The following CRISPLD1 variants were observed in gnomAD, a reference collection of about 807,000 sequenced individuals.
The protein encoded by CRISPLD1 is cysteine-rich secretory protein LCCL domain-containing 1.
CRISPLD1 carries 60 observed loss-of-function variants against 77.5 expected under a neutral mutation model. The ratio of observed to expected loss-of-function variants is 0.77; its 90% confidence interval spans 0.63 to 0.96. The LOEUF is 0.96. CRISPLD1 is among the 40% of genes least tolerant of loss of function. The pLI is 0.00. For missense variants in CRISPLD1, 623 were observed against 615.8 expected (o/e 1.01, Z -0.12); for synonymous variants, 195 against 200.1 (o/e 0.97, Z 0.22).
intron 2 of CRISPLD1, among the ~76,000 whole-genome samples, chr8:75,005,424 G>A (rs1812812166): frequency 6.6e-6 from 1 of 152,128 alleles, no homozygotes; most frequent in South Asian, 2.1e-4. Context: ...AAATGGGAAA[G>A]AGAACTCTTC....
chr8:75,030,680 ATG>A (rs34737814), intron 14 of CRISPLD1, among the ~76,000 whole-genome samples: 14,878 of 146,172 alleles, frequency 0.1, 888 homozygotes, highest in African/African-American at 0.18. Context: ...CCGGAGATAT[ATG>A]TGTGTGTGTG....
chr8:75,009,520 T>G (rs1381718952), intron 2 of CRISPLD1, among the ~76,000 whole-genome samples: 1 of 151,966 alleles, frequency 6.6e-6, no homozygotes, highest in Admixed American at 6.6e-5. Flanking sequence ...ATTTTTAGAC[T>G]TCCAGGAACT....
chr8:74,991,419 A>C (rs1428560087), intron 2 of CRISPLD1, among the ~76,000 whole-genome samples: 1 of 152,168 alleles, frequency 6.6e-6, no homozygotes, highest in Non-Finnish European at 1.5e-5. Context: ...CTGGCTGCTC[A>C]CAATTTAAAG....
intron 4 of CRISPLD1, 22 bp from the exon 5 acceptor site, chr8:75,013,965 G>A (rs776801405): frequency 2.0e-6 from 3 of 1,525,688 alleles, no homozygotes; most frequent in South Asian, 2.3e-5. Context: ...CTTTTTCTGA[G>A]CCTTTCATTT....
chr8:74,993,280 G>C (rs1324539399), intron 2 of CRISPLD1, among the ~76,000 whole-genome samples: 1 of 152,056 alleles, frequency 6.6e-6, no homozygotes, highest in Non-Finnish European at 1.5e-5. Flanking sequence ...TTTTCTCTCT[G>C]TATACTGTTG....
intron 2 of CRISPLD1, among the ~76,000 whole-genome samples, chr8:74,998,912 CAA>C (rs1383232071): frequency 6.6e-6 from 1 of 151,728 alleles, no homozygotes. Flanking sequence ...ACGAGATAAT[CAA>C]AGACATGTTA....
Position 75,021,575 on chromosome 8 carries a change from T to C in CRISPLD1, c.1244+1496T>C, listed in dbSNP as rs1048409893. On this transcript the variant is annotated intron_variant, in intron 12 of 14. Transcript: ENST00000262207. ...TTACCATTTGACCACCAATGAATTA[T>C]ATGCTGAATATTTTTGTGATAAAAA... Among the ~76,000 whole-genome samples the C allele has an allele frequency of 8.5e-5, 13 of 152,330 alleles. No homozygotes were observed. The East Asian group carries it at 2.5e-3, about 29-fold the overall frequency.
At chr8:75,016,850 T>C (rs774335044) in intron 7 of CRISPLD1, 31 bp from the exon 8 acceptor site, 8 of 1,530,054 alleles carry the variant, frequency 5.2e-6, no homozygotes, top group Non-Finnish European at 5.3e-6. Flanking sequence ...TTTATATTAT[T>C]TAAGTTATTT....
At chr8:75,017,731 T>G (rs1319375885) in intron 10 of CRISPLD1, among the ~76,000 whole-genome samples, 1 of 152,156 alleles carries the variant, frequency 6.6e-6, no homozygotes, top group Non-Finnish European at 1.5e-5. Context: ...AAGCAATACA[T>G]TTTTTAGCTT....
chr8:75,011,287 C>A (rs1279628630), intron 2 of CRISPLD1, among the ~76,000 whole-genome samples: 4 of 131,012 alleles, frequency 3.1e-5, no homozygotes, highest in Non-Finnish European at 4.8e-5. Flanking sequence ...CCCCCCACCC[C>A]ACAACAGTCC....
chr8:74,990,965 A>G (rs1812564087), intron 2 of CRISPLD1, among the ~76,000 whole-genome samples: 1 of 151,184 alleles, frequency 6.6e-6, no homozygotes, highest in African/African-American at 2.4e-5. Context: ...TTGGTACCAC[A>G]GATGCCCACC....
rs753799601 is a variant in CRISPLD1 at position 75,013,025 on chromosome 8, A to G, written c.510+3A>G. 3 of 1,579,254 alleles carry G rather than the reference A, an allele frequency of 1.9e-6. No individual in the cohort carries two copies. Among genetic ancestry groups the G allele is most frequent in the Non-Finnish European group, 2.6e-6 (3 of 1,158,736 alleles). On this transcript the variant is annotated splice_donor_region_variant and intron_variant, in intron 4 of 14. Coordinates refer to ENST00000262207, the MANE Select transcript of CRISPLD1 (RefSeq NM_031461.6). Reference sequence around the variant, plus strand: ...CTGTATGTACACATTATACACAGGTATGTTTGGGGGGTATTATACTTAATT... The same window carrying G: ...CTGTATGTACACATTATACACAGGTGTGTTTGGGGGGTATTATACTTAATT...
At chr8:75,023,073 TA>T (rs397891797) in intron 12 of CRISPLD1, among the ~76,000 whole-genome samples, 37,034 of 112,002 alleles carry the variant, frequency 0.33, 6,220 homozygotes, top group African/African-American at 0.55. Context: ...AAATTGTAGG[TA>T]AAAAAAAAAA....
intron 14 of CRISPLD1, among the ~76,000 whole-genome samples, chr8:75,030,568 TA>T (rs1466515384): frequency 6.6e-6 from 1 of 152,060 alleles, no homozygotes; most frequent in Non-Finnish European, 1.5e-5. Context: ...GTATAATAAT[TA>T]TTTTTGAGTA....
At chr8:74,992,912 T>G (rs924586360) in intron 2 of CRISPLD1, among the ~76,000 whole-genome samples, 29 of 150,806 alleles carry the variant, frequency 1.9e-4, no homozygotes, top group East Asian at 7.7e-4. Context: ...ATGGTTTTTT[T>G]TTTTTTTTTT....
chr8:75,025,736 A>G (rs766089917), intron 13 of CRISPLD1, 115 bp downstream of exon 13: 18 of 420,868 alleles, frequency 4.3e-5, no homozygotes, highest in Non-Finnish European at 6.4e-5. Context: ...GACTTTGTTA[A>G]TGTGTGTTCT....
At chr8:75,006,874 T>A (rs1377028856) in intron 2 of CRISPLD1, among the ~76,000 whole-genome samples, 1 of 152,122 alleles carries the variant, frequency 6.6e-6, no homozygotes, top group African/African-American at 2.4e-5. Context: ...GAAAGTCTGA[T>A]TACACAAATT....
chr8:75,002,115 A>G (rs1812752466), intron 2 of CRISPLD1, among the ~76,000 whole-genome samples: 1 of 152,064 alleles, frequency 6.6e-6, no homozygotes, highest in Non-Finnish European at 1.5e-5. Context: ...TAGGAGTAAC[A>G]TACTCCAACC....
chr8:75,028,888 C>G (rs576351893), intron 13 of CRISPLD1, among the ~76,000 whole-genome samples: 1 of 152,124 alleles, frequency 6.6e-6, no homozygotes, highest in East Asian at 1.9e-4. Flanking sequence ...TGCCCCATTT[C>G]TTGTATTTTG....
Sources: gnomAD v4.1 joint callset for allele counts (sites outside exome capture counted in the v4.1 genomes callset) on GRCh38, gnomAD v4.1.1 for gene constraint, MANE v1.5 for transcripts, NCBI Gene and HGNC (gene_info 2026-07-23, HGNC 2026-07-21) for gene names.